The following GANC variants were observed in gnomAD, a reference collection of about 807,000 sequenced individuals.
The protein encoded by GANC is neutral alpha-glucosidase C.
A neutral mutation model predicts 124.2 loss-of-function variants in GANC; 117 were observed. That is an observed-to-expected ratio of 0.94 (90% CI 0.81 to 1.10). The LOEUF (loss-of-function observed/expected upper bound fraction) is 1.10, where lower values mean the gene tolerates loss of function less well. GANC is among the 50% of genes least tolerant of loss of function. The pLI, the probability that GANC is intolerant of heterozygous loss-of-function variation, is 0.00. For missense variants in GANC, 1,140 were observed against 1,095.0 expected (o/e 1.04, Z -0.58); for synonymous variants, 377 against 376.8 (o/e 1.00, Z -0.01).
At chr15:42,348,570 A>G (rs1465140179) in intron 21 of GANC, among the ~76,000 whole-genome samples, 1 of 152,180 alleles carries the variant, frequency 6.6e-6, no homozygotes, top group Non-Finnish European at 1.5e-5. Flanking sequence ...ATGTCTATGC[A>G]CCATTTCAGA....
intron 15 of GANC, among the ~76,000 whole-genome samples, chr15:42,333,038 A>ATATG (rs760603238): frequency 6.8e-6 from 1 of 146,828 alleles, no homozygotes; most frequent in Non-Finnish European, 1.5e-5. Context: ...ATATATATAT[A>ATATG]TTTTTTTTGG....
intron 4 of GANC, among the ~76,000 whole-genome samples, chr15:42,290,830 T>A (rs906404966): frequency 2.0e-4 from 30 of 152,092 alleles, no homozygotes; most frequent in East Asian, 3.8e-4. Context: ...CAATTTTTTT[T>A]AAAAATTGAA....
At chr15:42,343,498 A>G (rs777661810) in intron 19 of GANC, 19 of 216,682 alleles carry the variant, frequency 8.8e-5, no homozygotes, top group Non-Finnish European at 1.2e-4. Context: ...GAAAGCAGAT[A>G]TGAAGTGACT....
intron 6 of GANC, 77 bp downstream of exon 6, chr15:42,297,733 C>A: frequency 1.9e-6 from 2 of 1,057,396 alleles, no homozygotes; most frequent in Non-Finnish European, 2.8e-6. Flanking sequence ...AATTCTCTTT[C>A]TTCCTTCTAC....
intron 2 of GANC, chr15:42,278,125 C>T: frequency 1.0e-5 from 3 of 291,446 alleles, no homozygotes; most frequent in East Asian, 9.1e-5. Flanking sequence ...ATTTAATATC[C>T]ACTAGAAATT....
chr15:42,304,800 A>G (rs1054224879), intron 6 of GANC, among the ~76,000 whole-genome samples: 13 of 152,222 alleles, frequency 8.5e-5, no homozygotes, highest in African/African-American at 3.1e-4. Context: ...GAGGCCTCAG[A>G]AATAATGCCA....
At chr15:42,301,293 TGA>T (rs1288131960) in intron 6 of GANC, among the ~76,000 whole-genome samples, 1 of 152,030 alleles carries the variant, frequency 6.6e-6, no homozygotes, top group Non-Finnish European at 1.5e-5. Flanking sequence ...AAGGAAACCA[TGA>T]GAGACTGTGC....
chr15:42,273,407 C>T lies in GANC; in HGVS notation c.-1075C>T, dbSNP rs1401461904. Reference sequence around the variant, plus strand: ...CACGCAGCCGCCGCCATCTTCACAGCCGTGGAGTGCCTACCGAAAGCATTT... The same window carrying T: ...CACGCAGCCGCCGCCATCTTCACAGTCGTGGAGTGCCTACCGAAAGCATTT... On this transcript the variant is annotated 5_prime_UTR_variant, in exon 1 of 24. Transcript: ENST00000318010. 6.2e-7 allele frequency: 1 copy of T among 1,613,766 alleles called. No homozygotes were observed. The highest frequency in any genetic ancestry group is 1.1e-5 in the South Asian group (1 of 91,082).
chr15:42,294,574 C>CAAA (rs34588821), intron 5 of GANC, among the ~76,000 whole-genome samples: 20 of 119,248 alleles, frequency 1.7e-4, no homozygotes, highest in South Asian at 5.3e-4. Context: ...GACTCTGTCT[C>CAAA]AAAAAAAAAA....
chr15:42,274,538 T>C (rs374052956), intron 1 of GANC, 28 bp downstream of exon 1: 2 of 1,599,734 alleles, frequency 1.3e-6, no homozygotes, highest in Non-Finnish European at 1.7e-6. Context: ...CTGTAGCGAG[T>C]GACCCCAGGG....
chr15:42,343,941 C>T (rs543235882), intron 19 of GANC, among the ~76,000 whole-genome samples: 1 of 152,240 alleles, frequency 6.6e-6, no homozygotes, highest in East Asian at 1.9e-4. Flanking sequence ...CAGGGTTCAG[C>T]AGGCAGGGGA....
chr15:42,349,927 G>T (rs2052408962), intron 22 of GANC, among the ~76,000 whole-genome samples: 1 of 151,614 alleles, frequency 6.6e-6, no homozygotes, highest in Admixed American at 6.6e-5. Context: ...GGGATTACAG[G>T]TGTGAGCCAC....
intron 11 of GANC, among the ~76,000 whole-genome samples, chr15:42,324,119 G>C (rs1166003719): frequency 1.3e-5 from 2 of 151,700 alleles, no homozygotes; most frequent in African/African-American, 4.9e-5. Flanking sequence ...AGTGGGCAAA[G>C]AACTTGAATA....
intron 10 of GANC, among the ~76,000 whole-genome samples, chr15:42,321,166 C>A (rs2052153361): frequency 6.6e-6 from 1 of 152,056 alleles, no homozygotes; most frequent in African/African-American, 2.4e-5. Context: ...CAATGCTGCA[C>A]CCTGACTTAA....
chr15:42,336,016 C>G (rs2052280220), intron 15 of GANC, among the ~76,000 whole-genome samples: 1 of 151,798 alleles, frequency 6.6e-6, no homozygotes, highest in African/African-American at 2.4e-5. Flanking sequence ...TAGGAAAAAT[C>G]AATATTGTTG....
At chr15:42,348,928 C>T (rs564410523) in intron 21 of GANC, among the ~76,000 whole-genome samples, 6 of 152,220 alleles carry the variant, frequency 3.9e-5, no homozygotes, top group South Asian at 2.1e-4. Flanking sequence ...AAAAGACTAG[C>T]GATCCATATC....
chr15:42,321,833 G>A lies in GANC; in HGVS notation c.1106G>A (p.Arg369His), dbSNP rs775149061. ...TTCTCTTTGGGATACCACCAGTGCC[G>A]CTGGAACTATGAAGATGAGCAGGAT... ...PLFSLGYHQC[R>H]WNYEDEQDVK... The change falls in exon 11 of 24, where the codon CGC becomes CAC. Residue 369 changes from arginine (R) to histidine (H), a missense_variant. Coordinates refer to ENST00000318010, the MANE Select transcript of GANC (RefSeq NM_198141.3). 19 of 1,614,052 alleles carry A rather than the reference G, an allele frequency of 1.2e-5. No homozygotes were observed. Among genetic ancestry groups the A allele is most frequent in the African/African-American group, 4.0e-5 (3 of 74,920 alleles).
intron 15 of GANC, among the ~76,000 whole-genome samples, chr15:42,331,018 C>T (rs144771209): frequency 3.9e-5 from 6 of 151,930 alleles, no homozygotes; most frequent in East Asian, 1.9e-4. Flanking sequence ...AGGCTAGTCT[C>T]GAACTCCTGG....
intron 10 of GANC, chr15:42,313,801 C>T: frequency 2.1e-6 from 1 of 476,782 alleles, no homozygotes. Context: ...GGCACAGTGG[C>T]TCACGCCTGT....
Sources: allele counts gnomAD v4.1 joint callset (sites outside exome capture counted in the v4.1 genomes callset), GRCh38; gene constraint gnomAD v4.1.1; transcripts MANE v1.5; gene names NCBI Gene and HGNC (gene_info 2026-07-23, HGNC 2026-07-21).